Variants in RYK observed in about 807,000 individuals in gnomAD.
RYK encodes the protein receptor like tyrosine kinase.
A neutral mutation model predicts 70.2 loss-of-function variants in RYK; 21 were observed. The observed-to-expected ratio is 0.30, with a 90% confidence interval of 0.21 to 0.43. The LOEUF (loss-of-function observed/expected upper bound fraction) is 0.43. Ranked by LOEUF, RYK falls within the 20% of genes least tolerant of loss-of-function variation. The probability of loss-of-function intolerance (pLI) is 1.00; values close to 1 mark genes in which losing one functional copy is unlikely to be tolerated. For synonymous variants in RYK, 267 were observed against 278.0 expected (o/e 0.96, Z 0.39); for missense variants, 604 against 753.3 (o/e 0.80, Z 2.32).
At chr3:134,205,377 TAACG>T (rs2014185118) in intron 5 of RYK, among the ~76,000 whole-genome samples, 1 of 152,170 alleles carries the variant, frequency 6.6e-6, no homozygotes, top group African/African-American at 2.4e-5. Context: ...CAGAACAGAT[TAACG>T]TAGAGACCAA....
chr3:134,229,333 C>A (rs1298820081), intron 1 of RYK, among the ~76,000 whole-genome samples: 2 of 149,538 alleles, frequency 1.3e-5, no homozygotes, highest in Non-Finnish European at 3.0e-5. Flanking sequence ...TTTCCCCCAA[C>A]CCCTTCTGTC....
chr3:134,193,236 T>A (rs899548824), intron 7 of RYK, among the ~76,000 whole-genome samples: 4 of 151,794 alleles, frequency 2.6e-5, no homozygotes, highest in African/African-American at 4.8e-5. Flanking sequence ...TAGGCTGGAG[T>A]GCAGTGGCGT....
intron 7 of RYK, among the ~76,000 whole-genome samples, chr3:134,193,625 A>C (rs909585155): frequency 6.6e-6 from 1 of 152,254 alleles, no homozygotes; most frequent in African/African-American, 2.4e-5. Context: ...GCCTCTTCTG[A>C]GTAGCTTAAA....
chr3:134,241,417 T>C (rs1367730651), intron 1 of RYK, among the ~76,000 whole-genome samples: 2 of 148,142 alleles, frequency 1.4e-5, no homozygotes, highest in Non-Finnish European at 3.0e-5. Context: ...CTTTTTATAA[T>C]ATCATATTTC....
intron 1 of RYK, 66 bp downstream of exon 1, chr3:134,250,357 G>A: frequency 2.8e-6 from 3 of 1,057,884 alleles, no homozygotes; most frequent in South Asian, 4.6e-5. Context: ...AGACTGATCC[G>A]CCGGCGGCCG....
chr3:134,173,169 T>G (rs2012979302), intron 13 of RYK, among the ~76,000 whole-genome samples: 1 of 151,970 alleles, frequency 6.6e-6, no homozygotes, highest in South Asian at 2.1e-4. Context: ...TAGTCCCAGC[T>G]ACTCAGGAGG....
At chr3:134,235,551 C>T (rs1400016143) in intron 1 of RYK, among the ~76,000 whole-genome samples, 1 of 151,906 alleles carries the variant, frequency 6.6e-6, no homozygotes, top group African/African-American at 2.4e-5. Context: ...TCAATTTTAA[C>T]TCCTTTTTCT....
intron 2 of RYK, among the ~76,000 whole-genome samples, chr3:134,218,219 C>A (rs1030294524): frequency 6.6e-6 from 1 of 152,168 alleles, no homozygotes; most frequent in Non-Finnish European, 1.5e-5. Flanking sequence ...GTCACCACTC[C>A]TAAAGCCGCA....
chr3:134,175,542 A>T (rs577259933), intron 13 of RYK, 67 bp downstream of exon 13: 2 of 1,535,098 alleles, frequency 1.3e-6, no homozygotes, highest in African/African-American at 1.4e-5. Flanking sequence ...AGATAAAAAT[A>T]GTAGAACATT....
chr3:134,202,022 T>C (rs967869345), intron 6 of RYK, among the ~76,000 whole-genome samples: 1 of 152,024 alleles, frequency 6.6e-6, no homozygotes, highest in African/African-American at 2.4e-5. Flanking sequence ...CACTTTACTA[T>C]ACATATCACA....
intron 2 of RYK, among the ~76,000 whole-genome samples, chr3:134,220,417 TGGGGAG>T (rs1166943466): frequency 6.6e-6 from 1 of 152,094 alleles, no homozygotes; most frequent in Non-Finnish European, 1.5e-5. Flanking sequence ...CACTGACGTA[TGGGGAG>T]GGGGAGGGAG....
chr3:134,215,345 G>A (rs1233446294), intron 2 of RYK, among the ~76,000 whole-genome samples: 1 of 152,210 alleles, frequency 6.6e-6, no homozygotes, highest in Non-Finnish European at 1.5e-5. Context: ...AGGGAGAGGT[G>A]CAAAGGGCTG....
At chr3:134,169,985 CAA>C (rs2012835825) in intron 13 of RYK, among the ~76,000 whole-genome samples, 1 of 152,092 alleles carries the variant, frequency 6.6e-6, no homozygotes, top group Admixed American at 6.5e-5. Flanking sequence ...CAATCTTCAA[CAA>C]GTGTGCTTTA....
chr3:134,208,840 G>A (rs1261749407), intron 4 of RYK, among the ~76,000 whole-genome samples: 1 of 152,180 alleles, frequency 6.6e-6, no homozygotes, highest in East Asian at 1.9e-4. Flanking sequence ...TAGGGTTGCT[G>A]TAGGGATTAA....
chr3:134,202,172 A>C (rs1046419732), intron 6 of RYK, among the ~76,000 whole-genome samples: 10 of 152,212 alleles, frequency 6.6e-5, no homozygotes, highest in Non-Finnish European at 1.5e-4. Flanking sequence ...CTGGCTGTAC[A>C]TTAGAATCAT....
In RYK at chr3:134,233,487, G is replaced by A. The variant is rs545891152; in HGVS notation, c.233-10948C>T. On this transcript the variant is annotated intron_variant, in intron 1 of 14. Transcript: ENST00000623711. The stretch of plus-strand genomic sequence containing the variant: ...TTACTAAAATCCATCTTAAGGAAAC[G>A]AAAGACAGACACAAATTTTTATGTA... 3.0e-3 allele frequency among the ~76,000 whole-genome samples: 456 copies of A among 152,058 alleles called. 1 individual carries two copies. Among genetic ancestry groups the A allele is most frequent in the African/African-American group, 0.01 (424 of 41,496 alleles).
At chr3:134,230,990 A>G (rs2015042939) in intron 1 of RYK, among the ~76,000 whole-genome samples, 1 of 152,174 alleles carries the variant, frequency 6.6e-6, no homozygotes, top group Non-Finnish European at 1.5e-5. Context: ...TTCCATATTT[A>G]AACTTCAAAA....
chr3:134,188,898 C>G lies in RYK; in HGVS notation c.1041G>C (p.Gly347=). 1 of 1,574,622 alleles carries G rather than the reference C, an allele frequency of 6.4e-7. No individual in the cohort carries two copies. Among genetic ancestry groups the G allele is most frequent in the Non-Finnish European group, 8.7e-7 (1 of 1,151,148 alleles). Residue 347 remains glycine (G), a synonymous_variant, in exon 9 of 15, where the codon GGG becomes GGC. Coordinates refer to ENST00000623711, the MANE Select transcript of RYK (RefSeq NM_002958.4). ...TTGGATCTTTTTCATCTATTAAAATCCCATGGAAAATACGCCCAAAAGTAC... is the reference window on the plus strand; with the variant it reads ...TTGGATCTTTTTCATCTATTAAAATGCCATGGAAAATACGCCCAAAAGTAC... ...QEGTFGRIFH[G]ILIDEKDPNK...
chr3:134,238,541 AGAAAT>A, intron 1 of RYK, among the ~76,000 whole-genome samples: 1 of 152,212 alleles, frequency 6.6e-6, no homozygotes, highest in African/African-American at 2.4e-5. Context: ...TAGGTGGTTT[AGAAAT>A]CAGCTTCAAG....
Sources: allele counts gnomAD v4.1 joint callset (sites outside exome capture counted in the v4.1 genomes callset), GRCh38; gene constraint gnomAD v4.1.1; transcripts MANE v1.5; gene names NCBI Gene and HGNC (gene_info 2026-07-23, HGNC 2026-07-21).